The following FGF14 variants were observed in gnomAD, a reference collection of about 807,000 sequenced individuals.
FGF14 encodes the protein fibroblast growth factor homologous factor 4.
A neutral mutation model predicts 25.5 loss-of-function variants in FGF14; 5 were observed. That is an observed-to-expected ratio of 0.20 (90% CI 0.10 to 0.41). FGF14 has a LOEUF of 0.41. Among genes scored for constraint, FGF14 ranks in the 10% least tolerant of loss-of-function variants. FGF14 has a pLI of 1.00. For missense variants in FGF14, 222 were observed against 320.1 expected (o/e 0.69, Z 2.34); for synonymous variants, 138 against 118.3 (o/e 1.17, Z -1.08).
intron 1 of FGF14, among the ~76,000 whole-genome samples, chr13:101,937,828 G>A (rs1002031724): frequency 3.3e-5 from 5 of 152,066 alleles, no homozygotes; most frequent in Non-Finnish European, 5.9e-5. Flanking sequence ...TCAGTCTATC[G>A]ACCTTGTGAT....
chr13:101,952,196 C>G (rs1262818321), intron 1 of FGF14, among the ~76,000 whole-genome samples: 1 of 152,048 alleles, frequency 6.6e-6, no homozygotes, highest in Non-Finnish European at 1.5e-5. Flanking sequence ...AAGAAGATGA[C>G]TTGTCTACAA....
At chr13:101,988,533 A>G (rs1421218513) in intron 1 of FGF14, among the ~76,000 whole-genome samples, 1 of 152,136 alleles carries the variant, frequency 6.6e-6, no homozygotes, top group African/African-American at 2.4e-5. Context: ...GCCATAAAAA[A>G]GGATGAGTTC....
intron 1 of FGF14, among the ~76,000 whole-genome samples, chr13:102,130,624 T>C (rs756208606): frequency 6.6e-6 from 1 of 152,076 alleles, no homozygotes; most frequent in African/African-American, 2.4e-5. Context: ...GTGGACACAT[T>C]TTGGCAATGA....
chr13:102,054,412 G>A (rs1289394263), intron 1 of FGF14, among the ~76,000 whole-genome samples: 1 of 152,164 alleles, frequency 6.6e-6, no homozygotes, highest in African/African-American at 2.4e-5. Context: ...ATGTGAGGAA[G>A]ATAGTCCCAT....
intron 1 of FGF14, among the ~76,000 whole-genome samples, chr13:102,254,897 G>C (rs750363650): frequency 4.6e-5 from 7 of 152,154 alleles, no homozygotes; most frequent in Non-Finnish European, 8.8e-5. Context: ...TCACCAACTT[G>C]CTTCATGTTT....
At chr13:101,974,561 G>A (rs1007944489) in intron 1 of FGF14, among the ~76,000 whole-genome samples, 4 of 151,960 alleles carry the variant, frequency 2.6e-5, no homozygotes, top group Admixed American at 2.0e-4. Context: ...ATGTATCCCT[G>A]CTCTCTGAAA....
intron 3 of FGF14, among the ~76,000 whole-genome samples, chr13:101,793,053 T>G (rs998693265): frequency 5.9e-5 from 9 of 152,150 alleles, no homozygotes; most frequent in Non-Finnish European, 1.2e-4. Context: ...GATATGGAGA[T>G]GTACATTACT....
At chr13:101,746,539 C>A (rs2036904471) in intron 3 of FGF14, among the ~76,000 whole-genome samples, 1 of 151,958 alleles carries the variant, frequency 6.6e-6, no homozygotes. Flanking sequence ...CTAGAGAGTG[C>A]AGTTAAGAAT....
chr13:102,148,401 T>C (rs1463634331), intron 1 of FGF14, among the ~76,000 whole-genome samples: 1 of 152,236 alleles, frequency 6.6e-6, no homozygotes, highest in Non-Finnish European at 1.5e-5. Context: ...TGGTTCAATA[T>C]TGCCCTTTTA....
At chr13:102,161,685 GAA>G (rs2047762313) in intron 1 of FGF14, among the ~76,000 whole-genome samples, 6 of 103,296 alleles carry the variant, frequency 5.8e-5, no homozygotes, top group Admixed American at 1.0e-4. Context: ...AGAAGAAGAA[GAA>G]GAAGAAGAAG....
At chr13:102,120,182 T>C (rs2045652909) in intron 1 of FGF14, among the ~76,000 whole-genome samples, 3 of 151,502 alleles carry the variant, frequency 2.0e-5, no homozygotes, top group African/African-American at 7.3e-5. Context: ...AAAAGAGAGG[T>C]GTCATGGAAA....
intron 1 of FGF14, among the ~76,000 whole-genome samples, chr13:102,397,404 C>T (rs964954963): frequency 6.6e-6 from 1 of 152,104 alleles, no homozygotes; most frequent in Non-Finnish European, 1.5e-5. Flanking sequence ...CACGACAGAG[C>T]GGGAGACTGA....
intron 1 of FGF14, among the ~76,000 whole-genome samples, chr13:102,035,078 A>C (rs1190645542): frequency 3.3e-5 from 5 of 152,106 alleles, no homozygotes; most frequent in Non-Finnish European, 1.5e-5. Context: ...AACTTGAAAT[A>C]ATACGGAGAA....
At chr13:102,160,667 G>C (rs2140567864) in intron 1 of FGF14, among the ~76,000 whole-genome samples, 1 of 152,102 alleles carries the variant, frequency 6.6e-6, no homozygotes, top group Non-Finnish European at 1.5e-5. Flanking sequence ...AAAACAGAGG[G>C]ACTGCCCTTT....
intron 3 of FGF14, among the ~76,000 whole-genome samples, chr13:101,823,439 T>C (rs2042252868): frequency 6.7e-6 from 1 of 149,918 alleles, no homozygotes; most frequent in Admixed American, 6.7e-5. Flanking sequence ...TATATCTTTA[T>C]ATATTTGTTT....
At chr13:102,195,939 T>C (rs1162536247) in intron 1 of FGF14, among the ~76,000 whole-genome samples, 1 of 151,946 alleles carries the variant, frequency 6.6e-6, no homozygotes, top group Non-Finnish European at 1.5e-5. Flanking sequence ...AAATTTGTTG[T>C]AGACAGACAG....
intron 2 of FGF14, 126 bp from the exon 3 acceptor site, chr13:101,868,954 T>G (rs7992611): frequency 2.8e-6 from 2 of 712,034 alleles, no homozygotes; most frequent in Non-Finnish European, 5.0e-6. Context: ...AAATTCCAAT[T>G]AAATAACTTA....
chr13:101,770,074 T>A (rs969182729), intron 3 of FGF14, among the ~76,000 whole-genome samples: 5 of 152,088 alleles, frequency 3.3e-5, no homozygotes, highest in African/African-American at 1.2e-4. Context: ...ATAAGGGGAA[T>A]CTCTGTGCCT....
chr13:101,806,257 T>C (rs985268625), intron 3 of FGF14, among the ~76,000 whole-genome samples: 1 of 151,758 alleles, frequency 6.6e-6, no homozygotes, highest in East Asian at 1.9e-4. Context: ...CAGTCTCTAC[T>C]AAAAATACAA....
Sources: gnomAD v4.1 joint callset for allele counts (sites outside exome capture counted in the v4.1 genomes callset) on GRCh38, gnomAD v4.1.1 for gene constraint, MANE v1.5 for transcripts, NCBI Gene and HGNC (gene_info 2026-07-23, HGNC 2026-07-21) for gene names.